DGCR8: variants seen among roughly 807,000 people sequenced by gnomAD.
The protein encoded by DGCR8 is microprocessor complex subunit DGCR8.
DGCR8 carries 14 observed loss-of-function variants against 78.5 expected under a neutral mutation model. That is an observed-to-expected ratio of 0.18 (90% CI 0.12 to 0.28). The LOEUF (loss-of-function observed/expected upper bound fraction) is 0.28, where lower values mean the gene tolerates loss of function less well. Among genes scored for constraint, DGCR8 ranks in the 10% least tolerant of loss-of-function variants. The pLI, the probability that DGCR8 is intolerant of heterozygous loss-of-function variation, is 1.00. For missense variants in DGCR8, 702 were observed against 1,022.5 expected (o/e 0.69, Z 4.28); for synonymous variants, 399 against 402.4 (o/e 0.99, Z 0.10).
Position 20,106,278 on chromosome 22 carries a change from G to C in DGCR8, c.1889+1G>C. 6.2e-7 allele frequency: 1 copy of C among 1,612,332 alleles called. No homozygotes were observed. The highest frequency in any genetic ancestry group is 8.5e-7 in the Non-Finnish European group (1 of 1,179,254). Reference sequence around the variant, plus strand: ...AGATCCTCCACGAGTGCCTTAAAAGGTAGGGTAGGGGGGTGCCTCCCCCCA... The same window carrying C: ...AGATCCTCCACGAGTGCCTTAAAAGCTAGGGTAGGGGGGTGCCTCCCCCCA... On this transcript the variant is annotated splice_donor_variant, in intron 10 of 13. Coordinates refer to ENST00000351989, the MANE Select transcript of DGCR8 (RefSeq NM_022720.7). LOFTEE classifies it high-confidence loss of function.
At chr22:20,088,031 G>A (rs2049508882) in intron 3 of DGCR8, among the ~76,000 whole-genome samples, 1 of 152,068 alleles carries the variant, frequency 6.6e-6, no homozygotes, top group South Asian at 2.1e-4. Flanking sequence ...AGATGCACGG[G>A]GACTCAGGCT....
At position 20,089,932 on chromosome 22, in the gene DGCR8, T is replaced by A; in HGVS notation, c.1024-44T>A. On this transcript the variant is annotated intron_variant, in intron 4 of 13. Transcript: ENST00000351989. The surrounding 1 kb of genome is among the most constrained non-coding windows in gnomAD (Gnocchi z 4.9). Reference sequence around the variant, plus strand: ...TGAAAGGCATCAGAGTTTCAGACTCTCGGGTTGTCCTTGTAATCCATATTG... The same window carrying A: ...TGAAAGGCATCAGAGTTTCAGACTCACGGGTTGTCCTTGTAATCCATATTG... 6.3e-7 allele frequency: 1 copy of A among 1,589,384 alleles called. No homozygotes were observed. Among genetic ancestry groups the A allele is most frequent in the Non-Finnish European group, 8.6e-7 (1 of 1,165,752 alleles).
intron 12 of DGCR8, 121 bp downstream of exon 12, chr22:20,107,519 C>A: frequency 7.9e-7 from 1 of 1,260,578 alleles, no homozygotes; most frequent in Non-Finnish European, 1.1e-6. Flanking sequence ...AGCTGCCTCT[C>A]TCCTGGGCCA....
At chr22:20,108,802 C>T in intron 12 of DGCR8, 88 bp from the exon 13 acceptor site, 1 of 279,320 alleles carries the variant, frequency 3.6e-6, no homozygotes, top group Non-Finnish European at 6.1e-6. Context: ...CGCCTGCCTT[C>T]AGGGTCCCAG....
rs5748529 is a variant in DGCR8, at chr22:20,086,151, C to T, written c.188C>T (p.Ala63Val). The T allele has an allele frequency of 6.2e-7, 1 of 1,614,156 alleles. No homozygotes were observed. Among genetic ancestry groups the T allele is most frequent in the Non-Finnish European group, 8.5e-7 (1 of 1,180,026 alleles). Residue 63 changes from alanine (A) to valine (V), a missense_variant, in exon 2 of 14, where the codon GCT becomes GTT. Physicochemically the swap from Ala to Val is moderately conservative, Grantham distance 64. Transcript: ENST00000351989. This position sits in a 1 kb window ranked among gnomAD's most constrained non-coding sequence, Gnocchi z 6.4. The part of the protein sequence containing the change: ...SGGDGQSELP[A>V]EDPFNFYGAS... ...GGTGATGGACAGTCCGAACTCCCTG[C>T]TGAGGACCCCTTCAACTTCTACGGA...
chr22:20,089,841 C>G lies in DGCR8; in HGVS notation c.1023+30C>G. 6.2e-7 allele frequency: 1 copy of G among 1,610,688 alleles called. No homozygotes were observed. Among genetic ancestry groups the G allele is most frequent in the Non-Finnish European group, 8.5e-7 (1 of 1,177,962 alleles). On this transcript the variant is annotated intron_variant, in intron 4 of 13. Coordinates refer to ENST00000351989, the MANE Select transcript of DGCR8 (RefSeq NM_022720.7). This position sits in a 1 kb window ranked among gnomAD's most constrained non-coding sequence, Gnocchi z 4.9. ...GGGAGGCATCAGTCGTGACTTTAGG[C>G]TTGTAAGTTCTCAGACCAAAACGTG...
chr22:20,109,047 C>T, intron 13 of DGCR8, 44 bp downstream of exon 13: 1 of 983,356 alleles, frequency 1.0e-6, no homozygotes, highest in Non-Finnish European at 1.6e-6. Context: ...CACGGCCATT[C>T]CTGTGGCACC....
At chr22:20,098,473 C>T (rs947133543) in intron 9 of DGCR8, among the ~76,000 whole-genome samples, 2 of 152,082 alleles carry the variant, frequency 1.3e-5, no homozygotes, top group Admixed American at 1.3e-4. Context: ...TTGTTATTGT[C>T]AAGAATTGGA....
intron 10 of DGCR8, 31 bp from the exon 11 acceptor site, chr22:20,106,561 G>T: frequency 6.5e-7 from 1 of 1,529,710 alleles, no homozygotes; most frequent in Non-Finnish European, 9.1e-7. Flanking sequence ...CTGCTCAGGG[G>T]ACGCCATCTG....
intron 9 of DGCR8, chr22:20,102,266 A>C (rs2049712006): frequency 4.8e-6 from 1 of 207,502 alleles, no homozygotes. Flanking sequence ...TCTGGTGGGC[A>C]CTGAACTGCC....
chr22:20,091,357 C>G lies in DGCR8; in HGVS notation c.1307-78C>G, dbSNP rs982527250. ...AATAGTGTCATGTGGCCTGGGCCTGCCCCATGCACTGGGCTGTGAGAACCT... is the reference window on the plus strand; with the variant it reads ...AATAGTGTCATGTGGCCTGGGCCTGGCCCATGCACTGGGCTGTGAGAACCT... On this transcript the variant is annotated intron_variant, in intron 5 of 13. Coordinates refer to ENST00000351989, the MANE Select transcript of DGCR8 (RefSeq NM_022720.7). The G allele has an allele frequency of 6.3e-6, 9 of 1,439,480 alleles. No homozygotes were observed. In the African/African-American group the frequency reaches 1.3e-4, roughly 20 times the overall value. 89.2% of individuals were successfully genotyped at this position (1,439,480 alleles called of 1,614,324 possible). A position where few individuals can be genotyped will look rare whatever the true frequency, so the allele number is the denominator to read the frequency against.
intron 13 of DGCR8, 65 bp downstream of exon 13, chr22:20,109,068 C>G: frequency 2.4e-6 from 2 of 834,772 alleles, no homozygotes; most frequent in Non-Finnish European, 4.2e-6. Context: ...TGTGGAGGGA[C>G]AGCAGACCCC....
chr22:20,095,992 A>G (rs1164660451), intron 9 of DGCR8, among the ~76,000 whole-genome samples: 2 of 152,164 alleles, frequency 1.3e-5, no homozygotes, highest in East Asian at 3.9e-4. Context: ...GACAGAGCTC[A>G]GGTGTAAAAT....
rs1602502088 is a variant in DGCR8, at chr22:20,111,274, G to C, written c.*1166G>C. On this transcript the variant is annotated 3_prime_UTR_variant, in exon 14 of 14. Coordinates refer to ENST00000351989, the MANE Select transcript of DGCR8 (RefSeq NM_022720.7). ...TGGACTGGCACCTGTGCAGAGTGCC[G>C]TGTGCTTGTGGTGCGCCATCTGAAG... 1 of 398,708 alleles carries C rather than the reference G, an allele frequency of 2.5e-6. No individual in the cohort carries two copies. The highest frequency in any genetic ancestry group is 4.4e-6 in the Non-Finnish European group (1 of 226,132). 24.7% of individuals were successfully genotyped at this position (398,708 alleles called of 1,614,324 possible).
rs2049822170 is a variant in DGCR8, at chr22:20,110,246, G to A, written c.*138G>A. On this transcript the variant is annotated 3_prime_UTR_variant, in exon 14 of 14. Transcript: ENST00000351989. Reference sequence around the variant, plus strand: ...GGCCAACCTGTGGGCCCGGCCTTAGGGTGGAGGCTTTAGTGTACAGGGACA... The same window carrying A: ...GGCCAACCTGTGGGCCCGGCCTTAGAGTGGAGGCTTTAGTGTACAGGGACA... 13 of 811,074 alleles carry A rather than the reference G, an allele frequency of 1.6e-5. No individual in the cohort carries two copies. Among genetic ancestry groups the A allele is most frequent in the Admixed American group, 1.2e-4 (5 of 41,028 alleles). 50.2% of individuals were successfully genotyped at this position (811,074 alleles called of 1,614,324 possible).
chr22:20,090,874 A>G (rs1012704506), intron 5 of DGCR8, among the ~76,000 whole-genome samples: 1 of 152,216 alleles, frequency 6.6e-6, no homozygotes, highest in Non-Finnish European at 1.5e-5. Context: ...TTGTCTGTAC[A>G]TCACTACCCA....
chr22:20,107,741 G>A, intron 12 of DGCR8: 2 of 316,564 alleles, frequency 6.3e-6, no homozygotes, highest in Admixed American at 4.3e-5. Context: ...TCAGGAGCCA[G>A]GGCCAGCTCT....
In DGCR8 at chr22:20,080,323, G is replaced by A. The variant is rs1410816292; in HGVS notation, c.-338G>A. 3 of 980,928 alleles carry A rather than the reference G, an allele frequency of 3.1e-6. No individual in the cohort carries two copies. The African/African-American group carries it at 5.3e-5, about 17-fold the overall frequency. The allele number at this position is 980,928 out of a possible 1,614,324, so 60.8% of individuals were successfully genotyped here. A position where few individuals can be genotyped will look rare whatever the true frequency, so the allele number is the denominator to read the frequency against. On this transcript the variant is annotated 5_prime_UTR_variant, in exon 1 of 14. In the 5' UTR this introduces an upstream ATG that the reference lacks. Coordinates refer to ENST00000351989, the MANE Select transcript of DGCR8 (RefSeq NM_022720.7). ...TCCAGATGGCTGCGGCGGTCGGTCG[G>A]TGAGGCTTTCCCGGCTGTGGTTTGG...
intron 9 of DGCR8, chr22:20,100,757 G>A (rs2049688725): frequency 1.0e-6 from 1 of 985,328 alleles, no homozygotes; most frequent in Non-Finnish European, 1.2e-6. Context: ...GGTGGGGCAT[G>A]TGGTGGCTTC....
Sources: allele counts gnomAD v4.1 joint callset (sites outside exome capture counted in the v4.1 genomes callset), GRCh38; gene constraint gnomAD v4.1.1; non-coding constraint Gnocchi (gnomAD v3.1); transcripts MANE v1.5; gene names NCBI Gene and HGNC (gene_info 2026-07-23, HGNC 2026-07-21).